Variants in SNX32 observed in about 807,000 individuals in gnomAD.
SNX32 encodes the protein sorting nexin-32.
SNX32 carries 58 observed loss-of-function variants against 57.0 expected under a neutral mutation model. That is an observed-to-expected ratio of 1.02 (90% CI 0.82 to 1.27). The LOEUF (loss-of-function observed/expected upper bound fraction) is 1.27. Among genes scored for constraint, SNX32 ranks in the 50% most tolerant of loss-of-function variants. SNX32 has a pLI of 0.00. For synonymous variants in SNX32, 262 were observed against 220.4 expected, an observed-to-expected ratio of 1.19 and a Z score of -1.67; for missense variants, 589 against 541.2, an observed-to-expected ratio of 1.09 and a Z score of -0.88.
At chr11:65,835,255 C>G (rs1858635712) in intron 1 of SNX32, among the ~76,000 whole-genome samples, 1 of 148,970 alleles carries the variant, frequency 6.7e-6, no homozygotes. Flanking sequence ...TTTGTCCTTA[C>G]AGATGGAAAG....
Position 65,852,469 on chromosome 11 carries a change from T to C in SNX32, c.830T>C (p.Leu277Pro). 2 of 1,614,158 alleles carry C rather than the reference T, an allele frequency of 1.2e-6. No individual in the cohort carries two copies. Among genetic ancestry groups the C allele is most frequent in the Non-Finnish European group, 1.7e-6 (2 of 1,180,012 alleles). Residue 277 changes from leucine (L) to proline (P), a missense_variant, in exon 10 of 13, where the codon CTG becomes CCG. Physicochemically the swap from Leu to Pro is moderately conservative, Grantham distance 98. Transcript: ENST00000308342. ...GTGCCCACCTTTCTGATGCAGAAGC[T>C]GGAGGGCCGGGTGGCTTCCGATGAG... ...LAELFERLRK[L>P]EGRVASDEDL...
In SNX32 at chr11:65,852,689, G is replaced by C. The variant is rs752427548; in HGVS notation, c.972G>C (p.Leu324=). 5 of 1,597,184 alleles carry C rather than the reference G, an allele frequency of 3.1e-6. No individual in the cohort carries two copies. Among genetic ancestry groups the C allele is most frequent in the Non-Finnish European group, 4.3e-6 (5 of 1,175,158 alleles). The change falls in exon 11 of 13, where the codon CTG becomes CTC. Residue 324 remains leucine (L), a synonymous_variant. Coordinates refer to ENST00000308342, the MANE Select transcript of SNX32 (RefSeq NM_152760.3). ...ACTACGAGAATGCCAACAAGGCGCT[G>C]GACAAGGCGCGCACCAGGAACCGGG... ...LADYENANKA[L]DKARTRNREV...
rs768994522 is a variant in SNX32, at chr11:65,850,188, G to C, written c.291G>C (p.Ser97=). 2.5e-6 allele frequency: 4 copies of C among 1,614,134 alleles called. No homozygotes were observed. The East Asian group carries it at 6.7e-5, about 27-fold the overall frequency. ...CTCCGAGGCCAGACTTTGAGGCTTC[G>C]AGGGAAAAGCTACAGAAATTGGGCG... The part of the protein sequence containing the change: ...PAPPRPDFEA[S]REKLQKLGEG... Residue 97 remains serine, a synonymous_variant, in exon 4 of 13, where the codon TCG becomes TCC. Transcript: ENST00000308342.
Position 65,851,036 on chromosome 11 carries a change from T to C in SNX32, c.604-19T>C. On this transcript the variant is annotated intron_variant, in intron 6 of 12. Coordinates refer to ENST00000308342, the MANE Select transcript of SNX32 (RefSeq NM_152760.3). Reference sequence around the variant, plus strand: ...CCGTGGTGACCCAGTGTAAATGGGGTCCTGCCTGGCTCCCTTAGGAGGTGG... The same window carrying C: ...CCGTGGTGACCCAGTGTAAATGGGGCCCTGCCTGGCTCCCTTAGGAGGTGG... 1 of 1,605,074 alleles carries C rather than the reference T, an allele frequency of 6.2e-7. No homozygotes were observed. The highest frequency in any genetic ancestry group is 8.5e-7 in the Non-Finnish European group (1 of 1,171,872).
chr11:65,834,189 C>G (rs764112513), intron 1 of SNX32, 88 bp downstream of exon 1: 329 of 409,380 alleles, frequency 8.0e-4, no homozygotes, highest in East Asian at 8.0e-3. Flanking sequence ...GTGTGTGTGT[C>G]TGTGTGTGTG....
intron 2 of SNX32, 52 bp from the exon 3 acceptor site, chr11:65,849,868 G>A: frequency 1.4e-6 from 2 of 1,446,942 alleles, no homozygotes; most frequent in South Asian, 1.3e-5. Flanking sequence ...CAGACTTGCT[G>A]AGGCAGGGCT....
At position 65,850,731 on chromosome 11, in the gene SNX32, A is replaced by T; in HGVS notation, c.499-20A>T. On this transcript the variant is annotated intron_variant, in intron 5 of 12. Transcript: ENST00000308342. ...GTGAGAACGCCCACCCCAGCATCAT[A>T]CCCTCCCTGTGTGCCTCAGCTGAGT... The T allele has an allele frequency of 6.2e-7, 1 of 1,610,460 alleles. No individual in the cohort carries two copies.
intron 12 of SNX32, 59 bp downstream of exon 12, chr11:65,853,017 T>C (rs1859267990): frequency 6.7e-7 from 1 of 1,494,858 alleles, no homozygotes; most frequent in Non-Finnish European, 9.2e-7. Flanking sequence ...CCTCCCTCCC[T>C]CCCCCAGGCA....
chr11:65,851,689 G>A lies in SNX32; in HGVS notation c.825+10G>A. On this transcript the variant is annotated intron_variant, in intron 9 of 12. Coordinates refer to ENST00000308342, the MANE Select transcript of SNX32 (RefSeq NM_152760.3). ...CTTTGAACGGCTGAGGGTGAGTACT[G>A]CCTTCTGTGCTCAAAGGCTTTCCTG... is the stretch of plus-strand genomic sequence containing the variant. 1 of 1,613,994 alleles carries A rather than the reference G, an allele frequency of 6.2e-7. No individual in the cohort carries two copies. The highest frequency in any genetic ancestry group is 1.7e-5 in the Admixed American group (1 of 60,002).
intron 1 of SNX32, among the ~76,000 whole-genome samples, chr11:65,838,414 G>T (rs992931112): frequency 6.6e-6 from 1 of 152,052 alleles, no homozygotes; most frequent in Non-Finnish European, 1.5e-5. Flanking sequence ...TTTTAGAAAT[G>T]GGGTCTTTTT....
intron 5 of SNX32, 66 bp from the exon 6 acceptor site, chr11:65,850,685 G>A (rs565967209): frequency 1.3e-6 from 2 of 1,585,702 alleles, no homozygotes; most frequent in African/African-American, 2.7e-5. Context: ...TCCGTGAGTG[G>A]CTTGCAACTT....
At position 65,853,646 on chromosome 11, in the gene SNX32, C is replaced by G. The variant is rs1859305000; in HGVS notation, c.*311C>G. On this transcript the variant is annotated 3_prime_UTR_variant, in exon 13 of 13. Coordinates refer to ENST00000308342, the MANE Select transcript of SNX32 (RefSeq NM_152760.3). ...ACCCATAGCCCTGAAGGAATCATAG[C>G]TCACTTGATCCCGGCCTGTTCTCCT... 2 of 460,860 alleles carry G rather than the reference C, an allele frequency of 4.3e-6. No homozygotes were observed. The highest frequency in any genetic ancestry group is 7.6e-5 in the East Asian group (2 of 26,360). 28.5% of individuals were successfully genotyped at this position (460,860 alleles called of 1,614,324 possible).
At chr11:65,837,505 C>T (rs1037421588) in intron 1 of SNX32, among the ~76,000 whole-genome samples, 2 of 151,998 alleles carry the variant, frequency 1.3e-5, no homozygotes, top group Admixed American at 6.6e-5. Context: ...CAGAGTAAGA[C>T]CTTGTCTTTA....
chr11:65,852,539 A>C lies in SNX32; in HGVS notation c.900A>C (p.Ser300=). The C allele has an allele frequency of 1.2e-6, 2 of 1,614,174 alleles. No individual in the cohort carries two copies. The highest frequency in any genetic ancestry group is 1.7e-6 in the Non-Finnish European group (2 of 1,180,020). ...TGCTGAGGTACTACATGCGTGACTC[A>C]CAGGCAGCCAAGGTGAGAGGCAGCC... is the stretch of plus-strand genomic sequence containing the variant. ...SDMLRYYMRD[S]QAAKDLLYRR... The change falls in exon 10 of 13, where the codon TCA becomes TCC. Residue 300 remains serine, a synonymous_variant. Transcript: ENST00000308342.
Position 65,838,649 on chromosome 11 carries a change from C to G in SNX32, c.36+4548C>G, listed in dbSNP as rs983564659. 2.0e-5 allele frequency among the ~76,000 whole-genome samples: 3 copies of G among 152,160 alleles called. No homozygotes were observed. The East Asian group carries it at 5.8e-4, about 29-fold the overall frequency. On this transcript the variant is annotated intron_variant, in intron 1 of 12. Coordinates refer to ENST00000308342, the MANE Select transcript of SNX32 (RefSeq NM_152760.3). ...TGATCTAATTGACTTATGTAGAGCT[C>G]TATACCCAACAACTGCAGAAAATAC...
rs142204103 is a variant in SNX32 at position 65,852,952 on chromosome 11, C to T, written c.1152C>T (p.His384=). 404 of 1,614,042 alleles carry T rather than the reference C, an allele frequency of 2.5e-4. No homozygotes were observed. Among genetic ancestry groups the T allele is most frequent in the African/African-American group, 2.2e-3 (163 of 75,024 alleles). The change falls in exon 12 of 13, where the codon CAC becomes CAT. Residue 384 remains histidine (H), a synonymous_variant. Transcript: ENST00000308342. The stretch of plus-strand genomic sequence containing the variant: ...AGCTGGCAGAGCTGGAGCTCAAACA[C>T]GCCAAGGTGAGCCCTCCCACCTCAC... ...LIELAELELK[H]AKASTLILRN...
At chr11:65,851,023 A>C in intron 6 of SNX32, 32 bp from the exon 7 acceptor site, 1 of 1,583,966 alleles carries the variant, frequency 6.3e-7, no homozygotes, top group Non-Finnish European at 8.7e-7. Context: ...GTGGTGACCC[A>C]GTGTAAATGG....
In SNX32 at chr11:65,850,482, G is replaced by A. The variant is rs1202653374; in HGVS notation, c.426G>A (p.Leu142=). ...CAGTTGCGATGCACGAAGTCTTTCTGCAGCGCCTGGCGGCCCACCCCACCC... is the reference window on the plus strand; with the variant it reads ...CAGTTGCGATGCACGAAGTCTTTCTACAGCGCCTGGCGGCCCACCCCACCC... ...KKTVAMHEVF[L]QRLAAHPTLR... The change falls in exon 5 of 13, where the codon CTG becomes CTA. Residue 142 remains leucine (L), a synonymous_variant. Coordinates refer to ENST00000308342, the MANE Select transcript of SNX32 (RefSeq NM_152760.3). 6.2e-7 allele frequency: 1 copy of A among 1,614,140 alleles called. No individual in the cohort carries two copies. The highest frequency in any genetic ancestry group is 8.5e-7 in the Non-Finnish European group (1 of 1,179,986).
chr11:65,835,988 A>G (rs1295700724), intron 1 of SNX32, among the ~76,000 whole-genome samples: 1 of 152,196 alleles, frequency 6.6e-6, no homozygotes, highest in African/African-American at 2.4e-5. Context: ...AGTGGTGCCT[A>G]GCATATTGTA....
Sources: allele counts gnomAD v4.1 joint callset (sites outside exome capture counted in the v4.1 genomes callset), GRCh38; gene constraint gnomAD v4.1.1; transcripts MANE v1.5; gene names NCBI Gene and HGNC (gene_info 2026-07-23, HGNC 2026-07-21).